CSMD1: variants seen among roughly 807,000 people sequenced by gnomAD.
CSMD1 encodes the protein CUB and sushi domain-containing protein 1.
Under a neutral mutation model 417.5 loss-of-function variants are expected in CSMD1, and 213 were observed. That is an observed-to-expected ratio of 0.51 (90% CI 0.46 to 0.57). CSMD1 has a LOEUF of 0.57. Ranked by LOEUF, CSMD1 falls within the 20% of genes least tolerant of loss-of-function variation. CSMD1 has a pLI of 0.00. For synonymous variants in CSMD1, 2,862 were observed against 1,736.8 expected (o/e 1.65, Z -16.11); for missense variants, 6,923 against 4,529.7 (o/e 1.53, Z -15.17).
intron 4 of CSMD1, among the ~76,000 whole-genome samples, chr8:4,018,534 G>A (rs1436711121): frequency 2.0e-5 from 3 of 152,094 alleles, no homozygotes; most frequent in African/African-American, 4.8e-5. Flanking sequence ...CTCTCTCTGG[G>A]ACCAGCCAGT....
Position 3,704,194 on chromosome 8 carries a change from C to G in CSMD1, c.1009+4220G>C, listed in dbSNP as rs573939586. On this transcript the variant is annotated intron_variant, in intron 7 of 69. Coordinates refer to ENST00000635120, the MANE Select transcript of CSMD1 (RefSeq NM_033225.6). ...GAAGGCTGGTTGTTGGAGATGCAGC[C>G]GGCCTGAAAAATCACAGCTACAGGC... 3.3e-5 allele frequency among the ~76,000 whole-genome samples: 5 copies of G among 152,226 alleles called. No homozygotes were observed. The South Asian group carries it at 1.0e-3, about 32-fold the overall frequency.
At chr8:3,905,322 T>C (rs888089467) in intron 5 of CSMD1, among the ~76,000 whole-genome samples, 1 of 152,222 alleles carries the variant, frequency 6.6e-6, no homozygotes, top group Non-Finnish European at 1.5e-5. Flanking sequence ...GACAGGTACC[T>C]GATCTTAAAT....
intron 2 of CSMD1, among the ~76,000 whole-genome samples, chr8:4,608,330 C>T (rs896190658): frequency 6.6e-6 from 1 of 152,154 alleles, no homozygotes; most frequent in African/African-American, 2.4e-5. Flanking sequence ...GAGGCAACTA[C>T]CCTGACCCAG....
At chr8:4,771,302 T>C (rs1026887382) in intron 1 of CSMD1, among the ~76,000 whole-genome samples, 2 of 152,176 alleles carry the variant, frequency 1.3e-5, no homozygotes, top group African/African-American at 2.4e-5. Context: ...CATATCTAAT[T>C]GTATTAAAGT....
chr8:4,063,082 C>G (rs1265339480), intron 3 of CSMD1, among the ~76,000 whole-genome samples: 2 of 152,064 alleles, frequency 1.3e-5, no homozygotes, highest in Admixed American at 6.6e-5. Context: ...GAAAAACGTT[C>G]TAATGTTTGA....
chr8:3,497,269 T>C (rs954522679), intron 10 of CSMD1, among the ~76,000 whole-genome samples: 1 of 152,230 alleles, frequency 6.6e-6, no homozygotes, highest in Non-Finnish European at 1.5e-5. Flanking sequence ...TCTATTATTA[T>C]ATTGGAGTCT....
At chr8:4,239,779 T>A (rs1463379347) in intron 3 of CSMD1, among the ~76,000 whole-genome samples, 1 of 152,200 alleles carries the variant, frequency 6.6e-6, no homozygotes, top group Non-Finnish European at 1.5e-5. Context: ...ATCTTTCACG[T>A]TAGTTCCATT....
intron 5 of CSMD1, among the ~76,000 whole-genome samples, chr8:3,921,381 C>G (rs535335102): frequency 1.3e-5 from 2 of 151,866 alleles, no homozygotes; most frequent in Non-Finnish European, 2.9e-5. Context: ...AATTGTCTTT[C>G]TAGCCTCTAT....
chr8:4,064,901 C>G (rs1042978495), intron 3 of CSMD1, among the ~76,000 whole-genome samples: 1 of 150,638 alleles, frequency 6.6e-6, no homozygotes. Context: ...ACAAAGTGGT[C>G]AATTCCATTG....
chr8:4,686,095 T>C (rs770968310), intron 1 of CSMD1, among the ~76,000 whole-genome samples: 19 of 152,348 alleles, frequency 1.2e-4, no homozygotes, highest in Non-Finnish European at 2.5e-4. Flanking sequence ...ATTCACTTTT[T>C]CGTTACAGAA....
chr8:3,820,552 G>A (rs1488790016), intron 5 of CSMD1, among the ~76,000 whole-genome samples: 1 of 152,088 alleles, frequency 6.6e-6, no homozygotes, highest in Non-Finnish European at 1.5e-5. Context: ...TCTTCCATTT[G>A]TCGTTGTTGT....
chr8:3,825,279 C>G (rs897984968), intron 5 of CSMD1, among the ~76,000 whole-genome samples: 10 of 152,144 alleles, frequency 6.6e-5, no homozygotes, highest in Non-Finnish European at 1.2e-4. Flanking sequence ...CCTGTAATCT[C>G]AGCACTTTGG....
At chr8:3,976,376 C>T (rs1487632110) in intron 5 of CSMD1, among the ~76,000 whole-genome samples, 1 of 152,072 alleles carries the variant, frequency 6.6e-6, no homozygotes, top group African/African-American at 2.4e-5. Context: ...ATGAAGATTC[C>T]TGAACTTTCT....
At chr8:4,587,384 T>A (rs528061922) in intron 2 of CSMD1, among the ~76,000 whole-genome samples, 12 of 151,636 alleles carry the variant, frequency 7.9e-5, no homozygotes, top group Admixed American at 4.6e-4. Context: ...TATGTATATG[T>A]ACATACATGT....
intron 3 of CSMD1, among the ~76,000 whole-genome samples, chr8:4,301,257 T>G (rs1363326663): frequency 6.6e-6 from 1 of 152,162 alleles, no homozygotes; most frequent in Non-Finnish European, 1.5e-5. Context: ...ATCATCATTC[T>G]TTGGCCCTCC....
chr8:4,223,290 G>C (rs117695243), intron 3 of CSMD1, among the ~76,000 whole-genome samples: 2 of 152,034 alleles, frequency 1.3e-5, no homozygotes, highest in Admixed American at 6.6e-5. Flanking sequence ...TTTTTGCCTC[G>C]AAATTCACCT....
chr8:3,796,550 A>G (rs1424807458), intron 5 of CSMD1, among the ~76,000 whole-genome samples: 2 of 145,592 alleles, frequency 1.4e-5, no homozygotes, highest in Non-Finnish European at 3.0e-5. Flanking sequence ...CTATATCCAT[A>G]CATGATAGAT....
At chr8:4,156,714 G>A (rs1436598224) in intron 3 of CSMD1, among the ~76,000 whole-genome samples, 1 of 152,128 alleles carries the variant, frequency 6.6e-6, no homozygotes, top group Non-Finnish European at 1.5e-5. Context: ...GAGACTATGT[G>A]CAGTTTGCAG....
intron 5 of CSMD1, among the ~76,000 whole-genome samples, chr8:3,975,111 A>G (rs1340165914): frequency 6.6e-6 from 1 of 152,198 alleles, no homozygotes; most frequent in Non-Finnish European, 1.5e-5. Context: ...TAATAACTTG[A>G]AAACCACTAT....
Sources: gnomAD v4.1 joint callset for allele counts (sites outside exome capture counted in the v4.1 genomes callset) on GRCh38, gnomAD v4.1.1 for gene constraint, MANE v1.5 for transcripts, NCBI Gene and HGNC (gene_info 2026-07-23, HGNC 2026-07-21) for gene names.